FHL2: variants seen among roughly 807,000 people sequenced by gnomAD.
The protein encoded by FHL2 is four and a half LIM domains 2.
A neutral mutation model predicts 32.7 loss-of-function variants in FHL2; 20 were observed. That is an observed-to-expected ratio of 0.61 (90% CI 0.43 to 0.89). FHL2 has a LOEUF of 0.89. FHL2 is among the 40% of genes least tolerant of loss of function. The pLI, the probability that FHL2 is intolerant of heterozygous loss-of-function variation, is 0.00. For missense variants in FHL2, 311 were observed against 358.6 expected (o/e 0.87, Z 1.07); for synonymous variants, 123 against 128.1 (o/e 0.96, Z 0.27).
intron 1 of FHL2, among the ~76,000 whole-genome samples, chr2:105,435,428 T>C (rs564321012): frequency 6.6e-6 from 1 of 152,284 alleles, no homozygotes; most frequent in East Asian, 1.9e-4. Flanking sequence ...ACTGATACCT[T>C]GAAATTACTC....
upstream of FHL2, among the ~76,000 whole-genome samples, chr2:105,404,163 C>T (rs72836928): frequency 0.2 from 30,111 of 152,146 alleles, 3,090 homozygotes; most frequent in South Asian, 0.25. Flanking sequence ...GCCCTATGTT[C>T]GTTACCCTAA....
intron 1 of FHL2, among the ~76,000 whole-genome samples, chr2:105,420,240 G>T (rs954954532): frequency 2.6e-5 from 4 of 152,188 alleles, no homozygotes; most frequent in Admixed American, 6.5e-5. Flanking sequence ...CCTAGCTGCT[G>T]GTGGTTTGCT....
Position 105,427,006 on chromosome 2 carries a change from A to G in FHL2, c.-25+11393T>C, listed in dbSNP as rs1006317725. ...TCGTTGGCTCTAGCCTAAAGGATCAAACTAAGCCATCTGCAGAGAATGGAG... is the reference window on the plus strand; with the variant it reads ...TCGTTGGCTCTAGCCTAAAGGATCAGACTAAGCCATCTGCAGAGAATGGAG... On this transcript the variant is annotated intron_variant, in intron 1 of 5. Coordinates refer to the FHL2 transcript ENST00000393352. Among the ~76,000 whole-genome samples the G allele has an allele frequency of 1.4e-4, 22 of 152,340 alleles. No individual in the cohort carries two copies. The South Asian group carries it at 2.3e-3, about 16-fold the overall frequency.
At chr2:105,399,602 T>C, upstream of FHL2, 1 of 1,530,554 alleles carries the variant, frequency 6.5e-7, no homozygotes, top group Non-Finnish European at 8.7e-7. Context: ...TCCCCACCTC[T>C]CCCTCTCGGG....
chr2:105,371,916 T>G (rs1311778617), intron 4 of FHL2, among the ~76,000 whole-genome samples: 1 of 152,082 alleles, frequency 6.6e-6, no homozygotes, highest in African/African-American at 2.4e-5. Context: ...CAATTCTCAT[T>G]TGCACTGTCG....
upstream of FHL2, among the ~76,000 whole-genome samples, chr2:105,399,994 T>C (rs1412980518): frequency 2.0e-5 from 3 of 152,184 alleles, no homozygotes; most frequent in African/African-American, 7.2e-5. Context: ...TTTCTTTTAA[T>C]TGATACTCTC....
In FHL2 at chr2:105,361,149, G is replaced by A. The variant is rs11537577; in HGVS notation, c.*134C>T. ...AGCACTAAAGGGTTTAAGCAAACGT[G>A]AGTATCACTGAAAAGCACTAGAAGA... On this transcript the variant is annotated 3_prime_UTR_variant, in exon 7 of 7. Coordinates refer to ENST00000530340, the MANE Select transcript of FHL2 (RefSeq NM_001318895.3). 1 of 879,910 alleles carries A rather than the reference G, an allele frequency of 1.1e-6. No homozygotes were observed. Among genetic ancestry groups the A allele is most frequent in the East Asian group, 2.5e-5 (1 of 40,670 alleles). 54.5% of individuals were successfully genotyped at this position (879,910 alleles called of 1,614,324 possible). A position where few individuals can be genotyped will look rare whatever the true frequency, so the allele number is the denominator to read the frequency against.
chr2:105,402,436 C>T (rs181195837), upstream of FHL2, among the ~76,000 whole-genome samples: 625 of 152,014 alleles, frequency 4.1e-3, 7 homozygotes, highest in Non-Finnish European at 7.1e-3. Context: ...TTAGTAGACA[C>T]GAGGTTTCAT....
At chr2:105,396,865 G>A in intron 1 of FHL2, 168 bp from the exon 2 acceptor site, 2 of 633,132 alleles carry the variant, frequency 3.2e-6, no homozygotes, top group East Asian at 2.8e-5. Flanking sequence ...CAAGCTCAAG[G>A]AACTTTGTAC....
At chr2:105,411,377 A>T (rs1010352175) in intron 1 of FHL2, among the ~76,000 whole-genome samples, 22 of 151,858 alleles carry the variant, frequency 1.4e-4, no homozygotes, top group African/African-American at 2.9e-4. Flanking sequence ...AGCAAATTTT[A>T]AAAAAAAGTA....
At chr2:105,433,512 G>T (rs1684500896) in intron 1 of FHL2, among the ~76,000 whole-genome samples, 1 of 152,176 alleles carries the variant, frequency 6.6e-6, no homozygotes, top group Admixed American at 6.5e-5. Flanking sequence ...TTTCTCCGTT[G>T]TGGAGACTTT....
chr2:105,394,588 A>G (rs1411295976), intron 2 of FHL2, among the ~76,000 whole-genome samples: 1 of 152,002 alleles, frequency 6.6e-6, no homozygotes, highest in East Asian at 1.9e-4. Flanking sequence ...TGGGAAAAAA[A>G]AAAGAAAAGA....
intron 1 of FHL2, among the ~76,000 whole-genome samples, chr2:105,430,084 A>G (rs1169042465): frequency 1.3e-5 from 2 of 152,202 alleles, no homozygotes; most frequent in African/African-American, 4.8e-5. Context: ...CCCTTCCTTG[A>G]CAAAATGCAA....
chr2:105,405,464 G>T (rs1488770413), intron 1 of FHL2, among the ~76,000 whole-genome samples: 1 of 152,206 alleles, frequency 6.6e-6, no homozygotes, highest in Non-Finnish European at 1.5e-5. Flanking sequence ...AGGCTGGAAT[G>T]CAGTGGAGCA....
intron 1 of FHL2, among the ~76,000 whole-genome samples, chr2:105,428,719 G>C (rs1462643662): frequency 6.6e-6 from 1 of 152,170 alleles, no homozygotes; most frequent in African/African-American, 2.4e-5. Context: ...TCACCTGTGT[G>C]CCCGGACCCT....
chr2:105,374,662 C>T (rs2104537725), intron 3 of FHL2: 1 of 152,238 alleles, frequency 6.6e-6, no homozygotes, highest in South Asian at 2.1e-4. Context: ...AACTCGACTC[C>T]ACACTTGGCT....
intron 3 of FHL2, among the ~76,000 whole-genome samples, chr2:105,381,802 A>C (rs1434409519): frequency 6.6e-6 from 1 of 152,202 alleles, no homozygotes; most frequent in Non-Finnish European, 1.5e-5. Context: ...TTGAGAACTT[A>C]AAAACCACCC....
intron 5 of FHL2, among the ~76,000 whole-genome samples, chr2:105,365,001 A>G (rs1680529822): frequency 6.6e-6 from 1 of 152,246 alleles, no homozygotes; most frequent in African/African-American, 2.4e-5. Flanking sequence ...CAACGTATCC[A>G]TGTGAATGCA....
intron 1 of FHL2, among the ~76,000 whole-genome samples, chr2:105,426,636 C>T (rs998668645): frequency 2.0e-5 from 3 of 152,210 alleles, no homozygotes; most frequent in Admixed American, 6.5e-5. Context: ...CTAGAAGCCC[C>T]TGTGCTGCTG....
Sources: gnomAD v4.1 joint callset for allele counts (sites outside exome capture counted in the v4.1 genomes callset) on GRCh38, gnomAD v4.1.1 for gene constraint, MANE v1.5 for transcripts, NCBI Gene and HGNC (gene_info 2026-07-23, HGNC 2026-07-21) for gene names.